RANGAP1: variants seen among roughly 807,000 people sequenced by gnomAD.
RANGAP1 encodes Ran GTPase activating protein 1, also known as ran GTPase-activating protein 1.
In RANGAP1, 38 loss-of-function variants were observed where a neutral mutation model predicts 63.5. That is an observed-to-expected ratio of 0.60 (90% CI 0.46 to 0.78). The LOEUF is 0.78. RANGAP1 is among the 30% of genes least tolerant of loss of function. RANGAP1 has a pLI of 0.00. For synonymous variants in RANGAP1, 329 were observed against 310.5 expected (o/e 1.06, Z -0.63); for missense variants, 630 against 740.3 (o/e 0.85, Z 1.73).
At chr22:41,278,336 G>A (rs909577672) in intron 2 of RANGAP1, among the ~76,000 whole-genome samples, 1 of 152,160 alleles carries the variant, frequency 6.6e-6, no homozygotes, top group Non-Finnish European at 1.5e-5. Flanking sequence ...ACCGCACCTG[G>A]CCCAAACTTG....
chr22:41,248,385 A>G (rs1251887539), intron 15 of RANGAP1, among the ~76,000 whole-genome samples: 1 of 152,228 alleles, frequency 6.6e-6, no homozygotes, highest in East Asian at 1.9e-4. Context: ...GGCGCCATGC[A>G]GACACTGGAG....
At chr22:41,298,078 G>C in the RANGAP1 span, among the ~76,000 whole-genome samples, 3 of 151,650 alleles carry the variant, frequency 2.0e-5, no homozygotes, top group African/African-American at 7.3e-5. Context: ...GGCTGGTCTC[G>C]AACTCCCTAC....
At chr22:41,264,193 A>G (rs905878718) in intron 5 of RANGAP1, among the ~76,000 whole-genome samples, 7 of 152,130 alleles carry the variant, frequency 4.6e-5, no homozygotes, top group Non-Finnish European at 8.8e-5. Context: ...TCCACTCTAC[A>G]CTGACCAGCC....
intron 2 of RANGAP1, among the ~76,000 whole-genome samples, chr22:41,276,432 G>GT (rs1185300096): frequency 1.3e-5 from 2 of 151,462 alleles, no homozygotes; most frequent in Non-Finnish European, 2.9e-5. Flanking sequence ...GAGGTCAAGA[G>GT]TTTGAGACCA....
At chr22:41,263,154 C>T (rs2034269958) in intron 5 of RANGAP1, among the ~76,000 whole-genome samples, 1 of 152,154 alleles carries the variant, frequency 6.6e-6, no homozygotes, top group Admixed American at 6.5e-5. Flanking sequence ...CCCAACTCAC[C>T]CCATTACAAG....
chr22:41,251,362 A>C (rs1360044944), intron 12 of RANGAP1, among the ~76,000 whole-genome samples: 1 of 152,222 alleles, frequency 6.6e-6, no homozygotes, highest in Non-Finnish European at 1.5e-5. Context: ...GTGGCGGCTC[A>C]TGCCTGTAAC....
At position 41,257,094 on chromosome 22, in the gene RANGAP1, A is replaced by AT. The variant is rs1350134100; in HGVS notation, c.775-271dup. The stretch of plus-strand genomic sequence containing the variant: ...ATCCGGGTCTTCCACACGTAAGCTG[A>AT]TCCCTCTGCCTGAAACACCCATCCC... On this transcript the variant is annotated intron_variant, in intron 7 of 15. Transcript: ENST00000356244. The surrounding 1 kb of genome is among the most constrained non-coding windows in gnomAD (Gnocchi z 4.0). Among the ~76,000 whole-genome samples, 1 of 152,068 alleles carries AT rather than the reference A, an allele frequency of 6.6e-6. No individual in the cohort carries two copies. The highest frequency in any genetic ancestry group is 1.5e-5 in the Non-Finnish European group (1 of 68,004).
the RANGAP1 span, among the ~76,000 whole-genome samples, chr22:41,297,686 C>CTTT: frequency 1.3e-4 from 12 of 93,366 alleles, no homozygotes; most frequent in Admixed American, 1.6e-4. Context: ...CCACACCTGG[C>CTTT]TTTTTTTTTT....
At chr22:41,287,132 A>T (rs551137159), upstream of RANGAP1, among the ~76,000 whole-genome samples, 9 of 152,218 alleles carry the variant, frequency 5.9e-5, no homozygotes, top group Non-Finnish European at 1.3e-4. Flanking sequence ...GTACAGGGTT[A>T]TGTAAGAGAC....
At chr22:41,264,058 G>A (rs935187149) in intron 5 of RANGAP1, among the ~76,000 whole-genome samples, 1 of 152,246 alleles carries the variant, frequency 6.6e-6, no homozygotes, top group Non-Finnish European at 1.5e-5. Context: ...GTTAGAAAGT[G>A]TGTGTAGGGG....
intron 3 of RANGAP1, among the ~76,000 whole-genome samples, chr22:41,269,991 G>A (rs139764778): frequency 0.023 from 3,570 of 151,972 alleles, 61 homozygotes; most frequent in Non-Finnish European, 0.037. Context: ...CCGCTACCAC[G>A]CCCAGCTAAT....
At position 41,246,615 on chromosome 22, in the gene RANGAP1, C is replaced by A. The variant is rs1315763177; in HGVS notation, c.1752G>T (p.Leu584=). The A allele has an allele frequency of 6.3e-7, 1 of 1,577,610 alleles. No homozygotes were observed. The highest frequency in any genetic ancestry group is 2.3e-5 in the East Asian group (1 of 43,572). The change falls in exon 16 of 16, where the codon CTG becomes CTT. Residue 584 remains leucine (L), a synonymous_variant. Transcript: ENST00000356244. ...AGAGGCTTTGAGTCTAGACCTTGTACAGCGTCTGCAGCAGACTGTGGCGGG... is the reference window on the plus strand; with the variant it reads ...AGAGGCTTTGAGTCTAGACCTTGTAAAGCGTCTGCAGCAGACTGTGGCGGG... ...SFARHSLLQT[L]YKV is the part of the protein sequence containing the mutation.
chr22:41,277,324 C>T (rs934791097), intron 2 of RANGAP1: 45 of 372,124 alleles, frequency 1.2e-4, no homozygotes, highest in Admixed American at 3.6e-4. Context: ...GTGATCCGCC[C>T]GCCTCGGCCT....
chr22:41,273,621 G>T (rs184288911), intron 3 of RANGAP1, among the ~76,000 whole-genome samples: 1 of 150,884 alleles, frequency 6.6e-6, no homozygotes, highest in Admixed American at 6.6e-5. Context: ...CAAAAAATTA[G>T]CTGGGCAAGG....
At chr22:41,263,477 C>T (rs1475564156) in intron 5 of RANGAP1, among the ~76,000 whole-genome samples, 3 of 152,158 alleles carry the variant, frequency 2.0e-5, no homozygotes, top group Admixed American at 6.5e-5. Context: ...CTCCACCTCC[C>T]GGGTTCGAGC....
intron 14 of RANGAP1, 113 bp downstream of exon 14, chr22:41,249,616 G>A: frequency 2.6e-6 from 4 of 1,523,552 alleles, no homozygotes; most frequent in South Asian, 2.3e-5. Flanking sequence ...GGGGCCCCGT[G>A]GGCGAGCCGG....
chr22:41,263,841 C>T (rs1397753946), intron 5 of RANGAP1, among the ~76,000 whole-genome samples: 1 of 152,264 alleles, frequency 6.6e-6, no homozygotes, highest in East Asian at 1.9e-4. Flanking sequence ...ACTCCAGCTC[C>T]TCAGCCTGGG....
the RANGAP1 span, among the ~76,000 whole-genome samples, chr22:41,294,880 T>TC: frequency 1.6e-5 from 1 of 64,492 alleles, no homozygotes; most frequent in Non-Finnish European, 3.0e-5. Flanking sequence ...GGGAGGGAGG[T>TC]GGGGGGGTGA....
rs187459526 is a variant in RANGAP1 at position 41,277,227 on chromosome 22, G to T, written c.113-2500C>A. Among the ~76,000 whole-genome samples, 197 of 151,262 alleles carry T rather than the reference G, an allele frequency of 1.3e-3. 5 individuals are homozygous for T. The East Asian group carries it at 0.036, about 27-fold the overall frequency. On this transcript the variant is annotated intron_variant, in intron 2 of 15. Transcript: ENST00000356244. ...CAAGTAGCTGGGACTACAGGCGCCC[G>T]CCACTACGCCCGGCTAATTTTTTGT...
Sources: allele counts gnomAD v4.1 joint callset (sites outside exome capture counted in the v4.1 genomes callset), GRCh38; gene constraint gnomAD v4.1.1; non-coding constraint Gnocchi (gnomAD v3.1); transcripts MANE v1.5; gene names NCBI Gene and HGNC (gene_info 2026-07-23, HGNC 2026-07-21).